GLDC: variants seen among roughly 807,000 people sequenced by gnomAD.
GLDC encodes glycine dehydrogenase (decarboxylating), mitochondrial.
Under a neutral mutation model 121.3 loss-of-function variants are expected in GLDC, and 104 were observed. The ratio of observed to expected loss-of-function variants is 0.86; its 90% CI spans 0.73 to 1.01. The LOEUF (loss-of-function observed/expected upper bound fraction) is 1.01. Among genes scored for constraint, GLDC ranks in the 50% least tolerant of loss-of-function variants. The pLI, the probability that GLDC is intolerant of heterozygous loss-of-function variation, is 0.00. For missense variants in GLDC, 1,429 were observed against 1,306.6 expected, an observed-to-expected ratio of 1.09 and a Z score of -1.44; for synonymous variants, 546 against 480.6, an observed-to-expected ratio of 1.14 and a Z score of -1.78.
At chr9:6,622,535 C>A (rs1182796583) in intron 2 of GLDC, among the ~76,000 whole-genome samples, 1 of 152,176 alleles carries the variant, frequency 6.6e-6, no homozygotes, top group South Asian at 2.1e-4. Context: ...GAGTCTCGTT[C>A]ACTCAGTGCT....
intron 2 of GLDC, among the ~76,000 whole-genome samples, chr9:6,628,481 G>C (rs941725480): frequency 6.6e-6 from 1 of 152,172 alleles, no homozygotes; most frequent in South Asian, 2.1e-4. Context: ...AATGAGAAAA[G>C]GGGGAATCCA....
chr9:6,605,405 C>A, intron 5 of GLDC, 127 bp from the exon 6 acceptor site: 3 of 869,440 alleles, frequency 3.5e-6, no homozygotes, highest in Non-Finnish European at 3.7e-6. Flanking sequence ...CACCCCTGCC[C>A]ACATCCCGTC....
At chr9:6,608,229 G>T (rs28833481) in intron 4 of GLDC, among the ~76,000 whole-genome samples, 43,926 of 146,122 alleles carry the variant, frequency 0.3, 5,647 homozygotes, top group African/African-American at 0.43. Context: ...CTGGCTAACA[G>T]GGTGAAACCC....
intron 15 of GLDC, among the ~76,000 whole-genome samples, chr9:6,582,540 A>C (rs1473159872): frequency 1.3e-5 from 2 of 148,758 alleles, no homozygotes; most frequent in East Asian, 4.0e-4. Context: ...AGATATAAAG[A>C]ACTGCTGGGC....
intron 2 of GLDC, among the ~76,000 whole-genome samples, chr9:6,622,440 C>G (rs1312655770): frequency 6.7e-6 from 1 of 149,772 alleles, no homozygotes; most frequent in African/African-American, 2.5e-5. Flanking sequence ...GACGGGGTTT[C>G]CCTGTGTTGG....
chr9:6,612,422 A>G (rs2129924686), intron 3 of GLDC, among the ~76,000 whole-genome samples: 1 of 152,270 alleles, frequency 6.6e-6, no homozygotes, highest in East Asian at 1.9e-4. Flanking sequence ...AAAAGAAAGA[A>G]AGAAAAGTAA....
At chr9:6,581,383 T>C (rs1438918577) in intron 15 of GLDC, among the ~76,000 whole-genome samples, 1 of 152,180 alleles carries the variant, frequency 6.6e-6, no homozygotes, top group East Asian at 1.9e-4. Context: ...CCTCTGTACT[T>C]CTCCACTGTG....
chr9:6,605,340 G>A lies in GLDC; in HGVS notation c.714-62C>T, dbSNP rs150575820. On this transcript the variant is annotated intron_variant, in intron 5 of 24. Transcript: ENST00000321612. ...GGTTTATAAGGGAAAATTAATTAAC[G>A]TTTCTTTTCCAGTAAGACAGCATTC... 150 of 1,549,046 alleles carry A rather than the reference G, an allele frequency of 9.7e-5. No individual in the cohort carries two copies. The African/African-American group carries it at 1.8e-3, about 18-fold the overall frequency.
intron 16 of GLDC, among the ~76,000 whole-genome samples, chr9:6,559,244 G>A (rs149121814): frequency 4.3e-4 from 65 of 152,338 alleles, no homozygotes; most frequent in Non-Finnish European, 7.9e-4. Context: ...GCCAGGTGCA[G>A]TGGCTCACGC....
chr9:6,545,298 CTACA>C (rs1817364381), intron 21 of GLDC, among the ~76,000 whole-genome samples: 1 of 152,166 alleles, frequency 6.6e-6, no homozygotes, highest in Non-Finnish European at 1.5e-5. Flanking sequence ...TATACCTAGG[CTACA>C]TGGTACAGCC....
rs566939288 is a variant in GLDC, at chr9:6,605,177, T to G, written c.815A>C (p.Lys272Thr). The stretch of plus-strand genomic sequence containing the variant: ...CACGAGTTCCGTAAAGTCTTCCACC[T>G]TCCCCTCCGTGTCTGGGTACTGGAA... ...VLFQYPDTEG[K>T]VEDFTELVER... is the part of the protein sequence containing the mutation. Residue 272 changes from lysine (K) to threonine (T), a missense_variant, in exon 6 of 25, where the codon AAG becomes ACG. Coordinates refer to ENST00000321612, the MANE Select transcript of GLDC (RefSeq NM_000170.3). 5 of 1,613,480 alleles carry G rather than the reference T, an allele frequency of 3.1e-6. No homozygotes were observed. The highest frequency in any genetic ancestry group is 1.3e-5 in the African/African-American group (1 of 75,032).
chr9:6,568,132 T>C (rs536267203), intron 15 of GLDC, among the ~76,000 whole-genome samples: 59 of 152,332 alleles, frequency 3.9e-4, no homozygotes, highest in African/African-American at 1.3e-3. Flanking sequence ...TTACTGGCTA[T>C]GAGCCAGTAG....
At chr9:6,621,099 G>C (rs1374049996) in intron 2 of GLDC, among the ~76,000 whole-genome samples, 1 of 152,172 alleles carries the variant, frequency 6.6e-6, no homozygotes, top group East Asian at 1.9e-4. Context: ...GAGCCTGGGA[G>C]GCAGAGATTG....
chr9:6,632,094 G>C (rs576377320), intron 2 of GLDC, among the ~76,000 whole-genome samples: 1 of 152,108 alleles, frequency 6.6e-6, no homozygotes, highest in Non-Finnish European at 1.5e-5. Context: ...GAAATTTGCA[G>C]TCCAACCGAG....
chr9:6,536,172 C>G lies in GLDC; in HGVS notation c.2730G>C (p.Ser910=). The stretch of plus-strand genomic sequence containing the variant: ...ATCTGTCCAGCTCTGCCTTGTCCTC[C>G]GACTCAGTGGGCTCCACCATGAGGG... ...AGTLMVEPTE[S]EDKAELDRFC... The change falls in exon 23 of 25, where the codon TCG becomes TCC. Residue 910 remains serine (S), a synonymous_variant. Transcript: ENST00000321612. 5 of 1,614,040 alleles carry G rather than the reference C, an allele frequency of 3.1e-6. No homozygotes were observed. Among genetic ancestry groups the G allele is most frequent in the Non-Finnish European group, 4.2e-6 (5 of 1,179,966 alleles).
intron 15 of GLDC, 73 bp from the exon 16 acceptor site, chr9:6,565,502 G>C: frequency 2.5e-6 from 3 of 1,195,648 alleles, no homozygotes; most frequent in Non-Finnish European, 3.8e-6. Flanking sequence ...TATTTATTGG[G>C]CCCTGGCCAG....
intron 3 of GLDC, among the ~76,000 whole-genome samples, chr9:6,611,406 A>C (rs1283865905): frequency 6.6e-6 from 1 of 152,120 alleles, no homozygotes; most frequent in Non-Finnish European, 1.5e-5. Context: ...AATACAAACA[A>C]TTAGCCAGGC....
At chr9:6,616,720 G>C (rs898455611) in intron 3 of GLDC, among the ~76,000 whole-genome samples, 3 of 152,162 alleles carry the variant, frequency 2.0e-5, no homozygotes, top group Non-Finnish European at 4.4e-5. Flanking sequence ...CATATAAAAA[G>C]GTATCTGCAC....
At chr9:6,594,036 G>A (rs1167493341) in intron 9 of GLDC, among the ~76,000 whole-genome samples, 4 of 151,724 alleles carry the variant, frequency 2.6e-5, no homozygotes, top group Admixed American at 6.6e-5. Context: ...TCTTGCCCAC[G>A]CTGGTCTTGA....
Sources: allele counts gnomAD v4.1 joint callset (sites outside exome capture counted in the v4.1 genomes callset), GRCh38; gene constraint gnomAD v4.1.1; transcripts MANE v1.5; gene names NCBI Gene and HGNC (gene_info 2026-07-23, HGNC 2026-07-21).